The following OPCML variants were observed in gnomAD, a reference collection of about 807,000 sequenced individuals.
The protein encoded by OPCML is opioid-binding protein/cell adhesion molecule.
Under a neutral mutation model 37.8 loss-of-function variants are expected in OPCML, and 13 were observed. The observed-to-expected ratio is 0.34, with a 90% CI of 0.22 to 0.55. The LOEUF (loss-of-function observed/expected upper bound fraction) is 0.55, where lower values mean the gene tolerates loss of function less well. Among genes scored for constraint, OPCML ranks in the 20% least tolerant of loss-of-function variants. The pLI is 0.91. For missense variants in OPCML, 341 were observed against 435.6 expected (o/e 0.78, Z 1.93); for synonymous variants, 176 against 168.8 (o/e 1.04, Z -0.33).
At chr11:133,135,585 T>A (rs1459961283) in intron 1 of OPCML, among the ~76,000 whole-genome samples, 1 of 152,116 alleles carries the variant, frequency 6.6e-6, no homozygotes, top group Admixed American at 6.6e-5. Flanking sequence ...CTCCCATAGA[T>A]ATTTATAGTA....
intron 2 of OPCML, among the ~76,000 whole-genome samples, chr11:132,685,674 C>T (rs956955166): frequency 6.6e-6 from 1 of 152,122 alleles, no homozygotes; most frequent in Non-Finnish European, 1.5e-5. Context: ...AACACACTCC[C>T]CCCATCTTTT....
intron 1 of OPCML, among the ~76,000 whole-genome samples, chr11:133,334,002 G>A (rs1341765804): frequency 6.6e-6 from 1 of 152,174 alleles, no homozygotes; most frequent in African/African-American, 2.4e-5. Context: ...ACAGATGCTG[G>A]TGAGGTTGTG....
rs2095950879 is a variant in OPCML, at chr11:132,419,723, A to G, written c.*470T>C. ...TTAACATGGATGGGGGCATATGTAC[A>G]TTGTCATTAAGAAAATAATCACAGA... On this transcript the variant is annotated 3_prime_UTR_variant, in exon 8 of 8. Transcript: ENST00000524381. 2 of 157,340 alleles carry G rather than the reference A, an allele frequency of 1.3e-5. No individual in the cohort carries two copies. Among genetic ancestry groups the G allele is most frequent in the Admixed American group, 1.3e-4 (2 of 15,664 alleles). 9.7% of individuals were successfully genotyped at this position (157,340 alleles called of 1,614,324 possible). A position where few individuals can be genotyped will look rare whatever the true frequency, so the allele number is the denominator to read the frequency against.
intron 7 of OPCML, among the ~76,000 whole-genome samples, chr11:132,422,157 T>C (rs1461564984): frequency 6.6e-6 from 1 of 152,160 alleles, no homozygotes; most frequent in Non-Finnish European, 1.5e-5. Context: ...CTAATTATTA[T>C]TTTGAGCTTA....
In OPCML at chr11:133,440,816, AT is replaced by A. The variant is rs565644832; in HGVS notation, c.61+91447del. Among the ~76,000 whole-genome samples the A allele has an allele frequency of 4.7e-3, 335 of 71,346 alleles. 6 individuals carry two copies. In the African/African-American group the frequency reaches 0.1, roughly 22 times the overall value. 46.8% of individuals were successfully genotyped at this position (71,346 alleles called of 152,430 possible). ...TGTGTGTGTGTGAGTGTGTATGTGT[AT>A]ATATATATATATAAATCATATATAT... is the stretch of plus-strand genomic sequence containing the variant. On this transcript the variant is annotated intron_variant, in intron 1 of 7. Transcript: ENST00000524381.
chr11:132,671,322 A>T (rs1206524722), intron 2 of OPCML, among the ~76,000 whole-genome samples: 2 of 152,172 alleles, frequency 1.3e-5, no homozygotes, highest in African/African-American at 4.8e-5. Flanking sequence ...CTCCTAAAAA[A>T]TAAAATAGAA....
chr11:132,605,915 C>T (rs375875498), intron 3 of OPCML, among the ~76,000 whole-genome samples: 160 of 152,296 alleles, frequency 1.1e-3, no homozygotes, highest in African/African-American at 3.8e-3. Flanking sequence ...TTGCCAGTGA[C>T]CAGCAGCTTC....
chr11:133,103,121 C>T (rs1592003639), intron 1 of OPCML, among the ~76,000 whole-genome samples: 2 of 152,124 alleles, frequency 1.3e-5, no homozygotes, highest in Admixed American at 1.3e-4. Context: ...TACTTTTTTT[C>T]TAATAGTGAT....
rs185196470 is a variant in OPCML at position 133,506,140 on chromosome 11, G to C, written c.61+26124C>G. On this transcript the variant is annotated intron_variant, in intron 1 of 7. Coordinates refer to ENST00000524381, the MANE Select transcript of OPCML (RefSeq NM_001012393.5). ...CACCTGGACCCACACATTCTGTAGT[G>C]TGACAAAGGTAGGTATTTTCATTCC... Among the ~76,000 whole-genome samples the C allele has an allele frequency of 2.6e-5, 4 of 152,304 alleles. No homozygotes were observed. The East Asian group carries it at 7.7e-4, about 29-fold the overall frequency.
intron 1 of OPCML, among the ~76,000 whole-genome samples, chr11:133,319,240 A>G (rs1191896356): frequency 6.6e-6 from 1 of 152,184 alleles, no homozygotes. Context: ...TGGCAAGTCA[A>G]GACATTGAAG....
chr11:132,975,636 T>C (rs1199795184), intron 1 of OPCML, among the ~76,000 whole-genome samples: 4 of 148,476 alleles, frequency 2.7e-5, no homozygotes, highest in Non-Finnish European at 4.5e-5. Flanking sequence ...AATCTATTTT[T>C]CTGGAAATTC....
At chr11:133,426,154 CAG>C (rs1159339798) in intron 1 of OPCML, among the ~76,000 whole-genome samples, 1 of 152,162 alleles carries the variant, frequency 6.6e-6, no homozygotes, top group Non-Finnish European at 1.5e-5. Context: ...CTCCCAAAAC[CAG>C]AGACTGACAA....
At chr11:132,575,575 T>G (rs1231624760) in intron 3 of OPCML, among the ~76,000 whole-genome samples, 1 of 152,042 alleles carries the variant, frequency 6.6e-6, no homozygotes. Context: ...CCATTTGTTT[T>G]TACTCTGTAT....
At chr11:133,327,242 G>T (rs1943496114) in intron 1 of OPCML, among the ~76,000 whole-genome samples, 2 of 151,692 alleles carry the variant, frequency 1.3e-5, no homozygotes. Context: ...CGGGGGATAT[G>T]TGGTGTGTGA....
At chr11:132,932,339 G>A (rs1051957850) in intron 2 of OPCML, among the ~76,000 whole-genome samples, 2 of 152,084 alleles carry the variant, frequency 1.3e-5, no homozygotes, top group African/African-American at 4.8e-5. Flanking sequence ...TAAAAACAGG[G>A]GCATGGAGGA....
chr11:133,000,757 G>T (rs1946982749), intron 1 of OPCML, among the ~76,000 whole-genome samples: 1 of 152,194 alleles, frequency 6.6e-6, no homozygotes, highest in African/African-American at 2.4e-5. Flanking sequence ...GCTTAATATG[G>T]TTTGTCCCTT....
Position 132,701,819 on chromosome 11 carries a change from C to CT in OPCML, c.147-44501dup, listed in dbSNP as rs60055469. On this transcript the variant is annotated intron_variant, in intron 2 of 7. Coordinates refer to ENST00000524381, the MANE Select transcript of OPCML (RefSeq NM_001012393.5). ...GTGGTGGTGGTGGGCGTGTGCTTTC[C>CT]TTTTTTTTTTATCTTTTGTGTATCT... 3.0e-3 allele frequency among the ~76,000 whole-genome samples: 424 copies of CT among 143,570 alleles called. 4 individuals are homozygous for CT. Among genetic ancestry groups the CT allele is most frequent in the Non-Finnish European group, 4.5e-3 (295 of 65,590 alleles). The allele number at this position is 143,570 out of a possible 152,430, so 94.2% of individuals were successfully genotyped here. A position where few individuals can be genotyped will look rare whatever the true frequency, so the allele number is the denominator to read the frequency against.
chr11:133,079,783 T>A lies in OPCML; in HGVS notation c.62-136773A>T, dbSNP rs539009859. ...TAAGGTGAGAGGAAGGACCTATATG[T>A]TCCCCAAGGTCCTGTCCACCTCCCG... On this transcript the variant is annotated intron_variant, in intron 1 of 7. Coordinates refer to ENST00000524381, the MANE Select transcript of OPCML (RefSeq NM_001012393.5). 7.9e-5 allele frequency among the ~76,000 whole-genome samples: 12 copies of A among 152,190 alleles called. No homozygotes were observed. In the East Asian group the frequency reaches 2.3e-3, roughly 30 times the overall value.
At position 133,287,252 on chromosome 11, in the gene OPCML, T is replaced by A. The variant is rs921675830; in HGVS notation, c.61+245012A>T. 3.4e-5 allele frequency among the ~76,000 whole-genome samples: 5 copies of A among 147,876 alleles called. No homozygotes were observed. In the South Asian group the frequency reaches 6.5e-4, roughly 19 times the overall value. The stretch of plus-strand genomic sequence containing the variant: ...CCAAATGTATTCAAAATATTTTTTT[T>A]AATTCTTTTTCTTTCTTTCTTTCTT... On this transcript the variant is annotated intron_variant, in intron 1 of 7. Coordinates refer to ENST00000524381, the MANE Select transcript of OPCML (RefSeq NM_001012393.5).
Sources: gnomAD v4.1 joint callset for allele counts (sites outside exome capture counted in the v4.1 genomes callset) on GRCh38, gnomAD v4.1.1 for gene constraint, MANE v1.5 for transcripts, NCBI Gene and HGNC (gene_info 2026-07-23, HGNC 2026-07-21) for gene names.